VPS37A: variants seen among roughly 807,000 people sequenced by gnomAD.
VPS37A encodes vacuolar protein sorting-associated protein 37A.
VPS37A carries 30 observed loss-of-function variants against 49.8 expected under a neutral mutation model. That is an observed-to-expected ratio of 0.60 (90% CI 0.45 to 0.82). The LOEUF (loss-of-function observed/expected upper bound fraction) is 0.82, where lower values mean the gene tolerates loss of function less well. Among genes scored for constraint, VPS37A ranks in the 40% least tolerant of loss-of-function variants. The pLI is 0.00. For missense variants in VPS37A, 593 were observed against 464.4 expected (o/e 1.28, Z -2.55); for synonymous variants, 195 against 160.6 (o/e 1.21, Z -1.62).
chr8:17,268,117 A>G (rs1263033111), intron 2 of VPS37A, 141 bp from the exon 3 acceptor site: 2 of 571,182 alleles, frequency 3.5e-6, no homozygotes, highest in Admixed American at 3.1e-5. Context: ...CAACACCATA[A>G]TAGAGCACTT....
At chr8:17,251,764 A>T (rs956642705) in intron 1 of VPS37A, among the ~76,000 whole-genome samples, 1 of 152,180 alleles carries the variant, frequency 6.6e-6, no homozygotes, top group African/African-American at 2.4e-5. Flanking sequence ...TAGTAGTGCC[A>T]TTCTCCCTAG....
At chr8:17,267,680 T>A (rs1216359553) in intron 2 of VPS37A, among the ~76,000 whole-genome samples, 1 of 152,200 alleles carries the variant, frequency 6.6e-6, no homozygotes, top group Non-Finnish European at 1.5e-5. Flanking sequence ...TCACAGCATG[T>A]TATTTATTTT....
intron 1 of VPS37A, 138 bp downstream of exon 1, chr8:17,247,507 C>G (rs1811385383): frequency 8.4e-6 from 10 of 1,196,172 alleles, no homozygotes; most frequent in Non-Finnish European, 1.1e-5. Context: ...GGGTCACACG[C>G]TTGCTCTGCC....
Position 17,295,808 on chromosome 8 carries a change from T to G in VPS37A, c.*822T>G, listed in dbSNP as rs1816581885. On this transcript the variant is annotated 3_prime_UTR_variant, in exon 12 of 12. Transcript: ENST00000324849. ...TAAATCTATACACAAAAAAAGTCAG[T>G]GAACTTTTCTGACCTTTACTGTGAG... 3 of 152,202 alleles carry G rather than the reference T, an allele frequency of 2.0e-5. No homozygotes were observed. The highest frequency in any genetic ancestry group is 2.0e-4 in the Admixed American group (3 of 15,268). 9.4% of individuals were successfully genotyped at this position (152,202 alleles called of 1,614,324 possible). A position where few individuals can be genotyped will look rare whatever the true frequency, so the allele number is the denominator to read the frequency against.
At position 17,297,190 on chromosome 8, in the gene VPS37A, G is replaced by GAGTT. The variant is rs1485215277; in HGVS notation, c.*2206_*2209dup. On this transcript the variant is annotated 3_prime_UTR_variant, in exon 12 of 12. Coordinates refer to ENST00000324849, the MANE Select transcript of VPS37A (RefSeq NM_152415.3). The stretch of plus-strand genomic sequence containing the variant: ...ATCAGAATTAAAGAGGAATACTTAG[G>GAGTT]AGTTACTAGGCTAATCAGTGTACGA... The GAGTT allele has an allele frequency of 6.6e-6, 1 of 152,164 alleles. No homozygotes were observed. Among genetic ancestry groups the GAGTT allele is most frequent in the African/African-American group, 2.4e-5 (1 of 41,448 alleles). 9.4% of individuals were successfully genotyped at this position (152,164 alleles called of 1,614,324 possible). A position where few individuals can be genotyped will look rare whatever the true frequency, so the allele number is the denominator to read the frequency against.
At chr8:17,284,054 A>G (rs1330864445) in intron 9 of VPS37A, among the ~76,000 whole-genome samples, 1 of 152,158 alleles carries the variant, frequency 6.6e-6, no homozygotes, top group Non-Finnish European at 1.5e-5. Flanking sequence ...GTGAAATTTA[A>G]TCCCATCATT....
chr8:17,289,844 G>GT (rs1380459104), intron 11 of VPS37A, among the ~76,000 whole-genome samples: 1 of 152,188 alleles, frequency 6.6e-6, no homozygotes, highest in Non-Finnish European at 1.5e-5. Context: ...AGCATGGAAT[G>GT]TTTTTCCATT....
At chr8:17,268,208 G>C (rs763935649) in intron 2 of VPS37A, 50 bp from the exon 3 acceptor site, 1 of 1,311,810 alleles carries the variant, frequency 7.6e-7, no homozygotes, top group South Asian at 1.2e-5. Context: ...ACCATATAAT[G>C]TACCTTTGTT....
the VPS37A span, among the ~76,000 whole-genome samples, chr8:17,320,375 T>C: frequency 1.3e-5 from 2 of 152,110 alleles, no homozygotes; most frequent in South Asian, 2.1e-4. Context: ...TGATGCATGA[T>C]AGCAAGACGG....
At chr8:17,276,496 T>C in intron 6 of VPS37A, 29 bp downstream of exon 6, 2 of 1,585,626 alleles carry the variant, frequency 1.3e-6, no homozygotes, top group Non-Finnish European at 1.7e-6. Context: ...GTTGGTCACA[T>C]TGTCTATTTT....
At chr8:17,301,944 G>A, downstream of VPS37A, 1 of 502,840 alleles carries the variant, frequency 2.0e-6, no homozygotes, top group Non-Finnish European at 3.3e-6. Context: ...GTGGAACTGA[G>A]CCACAAACCA....
At chr8:17,311,126 A>G in the VPS37A span, among the ~76,000 whole-genome samples, 1,102 of 152,338 alleles carry the variant, frequency 7.2e-3, 26 homozygotes, top group African/African-American at 0.025. Context: ...CATACACAAT[A>G]TAGAAAATTT....
intron 1 of VPS37A, among the ~76,000 whole-genome samples, chr8:17,252,599 A>C (rs1252517310): frequency 6.6e-6 from 1 of 152,194 alleles, no homozygotes; most frequent in African/African-American, 2.4e-5. Flanking sequence ...AAAATGGAAA[A>C]TCTGGAAAGA....
downstream of VPS37A, chr8:17,300,230 A>C (rs1327536354): frequency 6.3e-7 from 1 of 1,595,406 alleles, no homozygotes; most frequent in African/African-American, 1.4e-5. Context: ...AGCCTCTAAG[A>C]AAGAAATAAC....
chr8:17,327,641 TA>T, the VPS37A span, among the ~76,000 whole-genome samples: 4,046 of 148,692 alleles, frequency 0.027, 173 homozygotes, highest in African/African-American at 0.092. Flanking sequence ...AGAAACCTGG[TA>T]AAAAAAAAAA....
chr8:17,293,875 G>A (rs1586091468), intron 11 of VPS37A, among the ~76,000 whole-genome samples: 3 of 152,310 alleles, frequency 2.0e-5, no homozygotes, highest in South Asian at 4.1e-4. Flanking sequence ...TCTCCTGTAT[G>A]AGCTGTCTGT....
At chr8:17,300,023 C>A (rs1407997329), downstream of VPS37A, 4 of 1,614,016 alleles carry the variant, frequency 2.5e-6, no homozygotes, top group African/African-American at 5.3e-5. Flanking sequence ...TTCAGATTGT[C>A]TTGGGTTAGA....
At chr8:17,265,678 A>G (rs1258490393) in intron 1 of VPS37A, 14 of 1,192,440 alleles carry the variant, frequency 1.2e-5, no homozygotes, top group Middle Eastern at 2.1e-4. Context: ...GCCTCTTTAC[A>G]TCATCATCCC....
intron 11 of VPS37A, among the ~76,000 whole-genome samples, chr8:17,293,744 A>C (rs1341387826): frequency 6.6e-6 from 1 of 152,000 alleles, no homozygotes; most frequent in Non-Finnish European, 1.5e-5. Flanking sequence ...CTGGGGGTCT[A>C]CTCCACATCC....
Sources: gnomAD v4.1 joint callset for allele counts (sites outside exome capture counted in the v4.1 genomes callset) on GRCh38, gnomAD v4.1.1 for gene constraint, MANE v1.5 for transcripts, NCBI Gene and HGNC (gene_info 2026-07-23, HGNC 2026-07-21) for gene names.